TRMT1L: variants seen among roughly 807,000 people sequenced by gnomAD.
TRMT1L encodes the protein tRNA methyltransferase 1L.
A neutral mutation model predicts 81.6 loss-of-function variants in TRMT1L; 28 were observed. The observed-to-expected ratio is 0.34, with a 90% CI of 0.25 to 0.47. The LOEUF (loss-of-function observed/expected upper bound fraction) is 0.47, where lower values mean the gene tolerates loss of function less well. Ranked by LOEUF, TRMT1L falls within the 20% of genes least tolerant of loss-of-function variation. TRMT1L has a pLI of 1.00. For synonymous variants in TRMT1L, 301 were observed against 303.2 expected (o/e 0.99, Z 0.07); for missense variants, 739 against 877.1 (o/e 0.84, Z 1.99).
At chr1:185,150,086 A>G (rs528982525) in intron 3 of TRMT1L, among the ~76,000 whole-genome samples, 17 of 152,298 alleles carry the variant, frequency 1.1e-4, no homozygotes, top group African/African-American at 4.1e-4. Context: ...GTGTAAAATA[A>G]AAGGAAAACT....
chr1:185,124,983 G>A lies in TRMT1L; in HGVS notation c.1720C>T (p.Gln574Ter). The A allele has an allele frequency of 6.2e-7, 1 of 1,612,384 alleles. No individual in the cohort carries two copies. The highest frequency in any genetic ancestry group is 8.5e-7 in the Non-Finnish European group (1 of 1,179,084). Residue 574 changes from glutamine (Q) to a stop codon, truncating the protein, a stop_gained, in exon 12 of 15, where the codon CAG becomes TAG. Coordinates refer to ENST00000367506, the MANE Select transcript of TRMT1L (RefSeq NM_030934.5). LOFTEE classifies it high-confidence loss of function. ...IFESECTPQS[Q>*]FSIHASSNVN... ...TTTGAAGATGCATGAATTGAAAACT[G>A]ACTTTGAGGCGTACACTCTGATTCA... is the stretch of plus-strand genomic sequence containing the variant.
In TRMT1L at chr1:185,120,017, G is replaced by A. The variant is rs1488663232; in HGVS notation, c.*2C>T. The A allele has an allele frequency of 1.7e-5, 28 of 1,612,798 alleles. No individual in the cohort carries two copies. Among genetic ancestry groups the A allele is most frequent in the Non-Finnish European group, 2.2e-5 (26 of 1,179,500 alleles). ...CACCTGAGAACCAATTCTTCTCTAC[G>A]TTTACCATCTTCTGCAGCCACTTGC... On this transcript the variant is annotated 3_prime_UTR_variant, in exon 15 of 15. Coordinates refer to ENST00000367506, the MANE Select transcript of TRMT1L (RefSeq NM_030934.5).
chr1:185,135,753 G>A lies in TRMT1L; in HGVS notation c.1513+1853C>T, dbSNP rs563763974. Among the ~76,000 whole-genome samples, 15 of 151,968 alleles carry A rather than the reference G, an allele frequency of 9.9e-5. No individual in the cohort carries two copies. In the South Asian group the frequency reaches 3.1e-3, roughly 32 times the overall value. The stretch of plus-strand genomic sequence containing the variant: ...GGAACCATTCCAAATTATTTTTGAA[G>A]GGAGTAAACTGATAGATCAAAGCCC... On this transcript the variant is annotated intron_variant, in intron 10 of 14. Coordinates refer to ENST00000367506, the MANE Select transcript of TRMT1L (RefSeq NM_030934.5).
At chr1:185,151,253 A>C (rs1653337742) in intron 2 of TRMT1L, among the ~76,000 whole-genome samples, 1 of 152,148 alleles carries the variant, frequency 6.6e-6, no homozygotes, top group South Asian at 2.1e-4. Context: ...TTTTTCTCTT[A>C]TACCTACATA....
chr1:185,133,085 A>G (rs527652210), intron 10 of TRMT1L, among the ~76,000 whole-genome samples: 1 of 152,370 alleles, frequency 6.6e-6, no homozygotes, highest in African/African-American at 2.4e-5. Flanking sequence ...ATGGTGAAGG[A>G]AGCATTGAAA....
At chr1:185,148,687 A>G (rs1243354605) in intron 3 of TRMT1L, among the ~76,000 whole-genome samples, 1 of 152,222 alleles carries the variant, frequency 6.6e-6, no homozygotes, top group Admixed American at 6.5e-5. Flanking sequence ...TGACCTAAGT[A>G]AAGAATATGA....
Position 185,139,445 on chromosome 1 carries a change from C to T in TRMT1L, c.1244G>A (p.Arg415His), listed in dbSNP as rs775794292. Residue 415 changes from arginine to histidine, a missense_variant, in exon 9 of 15, where the codon CGT (arginine) becomes CAT (histidine). Coordinates refer to ENST00000367506, the MANE Select transcript of TRMT1L (RefSeq NM_030934.5). ...TCGGACAATGTTACATCCGTAGTGACGCCGGGCAACATGCTGTGCCTTGGC... is the reference window on the plus strand; with the variant it reads ...TCGGACAATGTTACATCCGTAGTGATGCCGGGCAACATGCTGTGCCTTGGC... ...LYAKAQHVAR[R>H]HYGCNIVRTE... 15 of 1,614,028 alleles carry T rather than the reference C, an allele frequency of 9.3e-6. No individual in the cohort carries two copies. Among genetic ancestry groups the T allele is most frequent in the South Asian group, 5.5e-5 (5 of 91,090 alleles).
intron 1 of TRMT1L, 40 bp downstream of exon 1, chr1:185,156,438 T>C: frequency 6.2e-7 from 1 of 1,613,600 alleles, no homozygotes; most frequent in Non-Finnish European, 8.5e-7. Flanking sequence ...GCGCACTTTC[T>C]CTCTTCTGCA....
In TRMT1L at chr1:185,137,760, C is replaced by T. The variant is rs1344963373; in HGVS notation, c.1359G>A (p.Leu453=). ...CAAAATGTTCCAGAGCCACTGCAAA[C>T]AGTACTTCTATGCCTTTGTTGCATC... ...AARCNKGIEV[L]FAVALEHFVL... is the part of the protein sequence containing the mutation. The change falls in exon 10 of 15, where the codon CTG becomes CTA. Residue 453 remains leucine, a synonymous_variant. Coordinates refer to ENST00000367506, the MANE Select transcript of TRMT1L (RefSeq NM_030934.5). 6.2e-7 allele frequency: 1 copy of T among 1,613,992 alleles called. No individual in the cohort carries two copies. The highest frequency in any genetic ancestry group is 1.7e-5 in the Admixed American group (1 of 60,014).
rs746376552 is a variant in TRMT1L, at chr1:185,120,148, G to A, written c.2073C>T (p.Tyr691=). The A allele has an allele frequency of 1.2e-6, 2 of 1,613,820 alleles. No individual in the cohort carries two copies. The highest frequency in any genetic ancestry group is 1.7e-5 in the Admixed American group (1 of 59,966). ...GTCCTCCAGTGTAGGTGGGGGTGCT[G>A]TACTTTAAAAGGATAGATTTAAACT... ...LMQFKSILLK[Y]STPTYTGGQS... Residue 691 remains tyrosine, a synonymous_variant, in exon 15 of 15, where the codon TAC becomes TAT. Coordinates refer to ENST00000367506, the MANE Select transcript of TRMT1L (RefSeq NM_030934.5).
At chr1:185,145,776 T>A (rs1193402328) in intron 4 of TRMT1L, among the ~76,000 whole-genome samples, 1 of 151,986 alleles carries the variant, frequency 6.6e-6, no homozygotes, top group Non-Finnish European at 1.5e-5. Context: ...GAAGGTTAAT[T>A]TCCTAGCTTT....
Position 185,120,366 on chromosome 1 carries a change from T to C in TRMT1L, c.1949+17A>G, listed in dbSNP as rs749347795. The C allele has an allele frequency of 2.0e-6, 3 of 1,521,058 alleles. No individual in the cohort carries two copies. Among genetic ancestry groups the C allele is most frequent in the Non-Finnish European group, 2.6e-6 (3 of 1,139,710 alleles). The allele number at this position is 1,521,058 out of a possible 1,614,324, so 94.2% of individuals were successfully genotyped here. The stretch of plus-strand genomic sequence containing the variant: ...AATATAAAATATATATACTTTGTCA[T>C]TCACTGGGTGTCTTACTTTGGCATA... On this transcript the variant is annotated intron_variant, in intron 14 of 14. Coordinates refer to ENST00000367506, the MANE Select transcript of TRMT1L (RefSeq NM_030934.5).
chr1:185,151,631 T>C (rs1420107339), intron 2 of TRMT1L, among the ~76,000 whole-genome samples, 194 bp downstream of exon 2: 1 of 152,204 alleles, frequency 6.6e-6, no homozygotes, highest in Non-Finnish European at 1.5e-5. Flanking sequence ...CTTGAGGAGT[T>C]GTAAAATAAC....
At chr1:185,146,631 C>T (rs764509028) in intron 4 of TRMT1L, among the ~76,000 whole-genome samples, 9 of 151,932 alleles carry the variant, frequency 5.9e-5, no homozygotes, top group African/African-American at 7.2e-5. Context: ...GAACTCATTA[C>T]GCCAATATGC....
rs560051169 is a variant in TRMT1L, at chr1:185,156,849, A to C, written c.-137T>G. 3.4e-5 allele frequency: 41 copies of C among 1,223,252 alleles called. No individual in the cohort carries two copies. The highest frequency in any genetic ancestry group is 4.3e-5 in the Non-Finnish European group (39 of 902,072). The allele number at this position is 1,223,252 out of a possible 1,614,324, so 75.8% of individuals were successfully genotyped here. On this transcript the variant is annotated 5_prime_UTR_variant, in exon 1 of 15. Coordinates refer to ENST00000367506, the MANE Select transcript of TRMT1L (RefSeq NM_030934.5). ...GTGGGGAGGGCGGGATGCGTGCAAC[A>C]GACAAAAGATGAAGAACCAGTGACC...
At position 185,120,506 on chromosome 1, in the gene TRMT1L, T is replaced by C; in HGVS notation, c.1826A>G (p.Lys609Arg). 1 of 1,578,246 alleles carries C rather than the reference T, an allele frequency of 6.3e-7. No individual in the cohort carries two copies. The highest frequency in any genetic ancestry group is 8.6e-7 in the Non-Finnish European group (1 of 1,166,556). The change falls in exon 14 of 15, where the codon AAG becomes AGG. Residue 609 changes from lysine (K) to arginine (R), a missense_variant. Physicochemically the swap from Lys to Arg is conservative, Grantham distance 26. Transcript: ENST00000367506. ...TGTGATCATTTCATTACTTTTTCTC[T>C]TTCCTGCAACATACACATACAAAGT... is the stretch of plus-strand genomic sequence containing the variant. ...TTTDNYIAQGKRKSNEMITNL... is the reference protein window; with the variant it reads ...TTTDNYIAQGRRKSNEMITNL...
intron 7 of TRMT1L, among the ~76,000 whole-genome samples, chr1:185,141,158 C>T (rs886078060): frequency 1.3e-5 from 2 of 152,094 alleles, no homozygotes; most frequent in Admixed American, 6.5e-5. Context: ...CCCTTATGTA[C>T]TGGAAATACT....
chr1:185,132,890 G>C (rs1314360676), intron 10 of TRMT1L, among the ~76,000 whole-genome samples: 1 of 152,198 alleles, frequency 6.6e-6, no homozygotes, highest in African/African-American at 2.4e-5. Flanking sequence ...AAAATACACA[G>C]GATCTGCGAT....
chr1:185,130,206 A>C (rs907871115), intron 10 of TRMT1L, among the ~76,000 whole-genome samples: 5 of 152,256 alleles, frequency 3.3e-5, no homozygotes, highest in South Asian at 2.1e-4. Context: ...AAGTAGAAAG[A>C]AAACTAGTAT....
Sources: allele counts gnomAD v4.1 joint callset (sites outside exome capture counted in the v4.1 genomes callset), GRCh38; gene constraint gnomAD v4.1.1; transcripts MANE v1.5; gene names NCBI Gene and HGNC (gene_info 2026-07-23, HGNC 2026-07-21).